The following NTMT1 variants were observed in gnomAD, a reference collection of about 807,000 sequenced individuals.
The protein encoded by NTMT1 is N-terminal RCC1 methyltransferase.
Under a neutral mutation model 17.5 loss-of-function variants are expected in NTMT1, and 8 were observed. The ratio of observed to expected loss-of-function variants is 0.46; its 90% CI spans 0.27 to 0.82. NTMT1 has a LOEUF of 0.82. Ranked by LOEUF, NTMT1 falls within the 40% of genes least tolerant of loss-of-function variation. The pLI is 0.15. For missense variants in NTMT1, 221 were observed against 303.5 expected (o/e 0.73, Z 2.02); for synonymous variants, 128 against 126.8 (o/e 1.01, Z -0.06).
At chr9:129,609,833 C>A (rs889924635) in intron 1 of NTMT1, among the ~76,000 whole-genome samples, 1 of 152,002 alleles carries the variant, frequency 6.6e-6, no homozygotes, top group African/African-American at 2.4e-5. Flanking sequence ...CAGCAGATGA[C>A]CCCGAATGTG....
chr9:129,619,858 C>T, intron 1 of NTMT1: 1 of 1,609,010 alleles, frequency 6.2e-7, no homozygotes, highest in Non-Finnish European at 8.5e-7. Flanking sequence ...CAGTTGTGAG[C>T]CTTGGCTGGG....
At position 129,620,185 on chromosome 9, in the gene NTMT1, G is replaced by C. The variant is rs1004883372; in HGVS notation, c.-55+11007G>C. On this transcript the variant is annotated intron_variant, in intron 1 of 3. Coordinates refer to the NTMT1 transcript ENST00000372486. This position sits in a 1 kb window ranked among gnomAD's most constrained non-coding sequence, Gnocchi z 5.8. ...AGAAGTCGGGGTCCTCCCTGGCCAC[G>C]CGCCTCCGGGGGCGCTCGCGCTCTC... The C allele has an allele frequency of 7.6e-6, 11 of 1,452,310 alleles. No individual in the cohort carries two copies. Among genetic ancestry groups the C allele is most frequent in the African/African-American group, 7.2e-5 (5 of 69,364 alleles). 90.0% of individuals were successfully genotyped at this position (1,452,310 alleles called of 1,614,324 possible).
At chr9:129,618,868 G>GTTTTTTTTTT (rs34259203) in intron 1 of NTMT1, among the ~76,000 whole-genome samples, 4 of 128,294 alleles carry the variant, frequency 3.1e-5, no homozygotes, top group Admixed American at 7.9e-5. Context: ...AATTTTTTGT[G>GTTTTTTTTTT]TTTTTTTTTT....
chr9:129,609,051 C>G (rs1271351824), exon 1 of NTMT1: 1 of 152,356 alleles, frequency 6.6e-6, no homozygotes, highest in Non-Finnish European at 1.5e-5. Context: ...CCTGGCTTCC[C>G]CAACAACCAA....
intron 1 of NTMT1, chr9:129,615,607 G>A: frequency 6.2e-7 from 1 of 1,601,160 alleles, no homozygotes. Flanking sequence ...TTGTGGGTCA[G>A]CGCAGCCTTG....
chr9:129,622,814 G>C (rs924219743), upstream of NTMT1, among the ~76,000 whole-genome samples: 1 of 152,158 alleles, frequency 6.6e-6, no homozygotes, highest in Admixed American at 6.5e-5. Flanking sequence ...GATTGCCTGA[G>C]CTCAGGAGTT....
Position 129,620,290 on chromosome 9 carries a change from C to T in NTMT1, c.-55+11112C>T. On this transcript the variant is annotated intron_variant, in intron 1 of 3. Transcript: ENST00000372486. The surrounding 1 kb of genome is among the most constrained non-coding windows in gnomAD (Gnocchi z 5.8). ...GAGGCGGCAGCAGGGACCGCAGCAGCCCCCGCTTCCGCACGGCCCGCCGGG... is the reference window on the plus strand; with the variant it reads ...GAGGCGGCAGCAGGGACCGCAGCAGTCCCCGCTTCCGCACGGCCCGCCGGG... 7.9e-7 allele frequency: 1 copy of T among 1,262,388 alleles called. No individual in the cohort carries two copies. Among genetic ancestry groups the T allele is most frequent in the Non-Finnish European group, 1.0e-6 (1 of 1,001,008 alleles). 78.2% of individuals were successfully genotyped at this position (1,262,388 alleles called of 1,614,324 possible). A position where few individuals can be genotyped will look rare whatever the true frequency, so the allele number is the denominator to read the frequency against.
Position 129,613,589 on chromosome 9 carries a change from T to G in NTMT1, c.-55+4411T>G. 1 of 1,614,004 alleles carries G rather than the reference T, an allele frequency of 6.2e-7. No homozygotes were observed. Among genetic ancestry groups the G allele is most frequent in the Non-Finnish European group, 8.5e-7 (1 of 1,179,998 alleles). On this transcript the variant is annotated intron_variant, in intron 1 of 3. Coordinates refer to the NTMT1 transcript ENST00000372486. This position sits in a 1 kb window ranked among gnomAD's most constrained non-coding sequence, Gnocchi z 6.2. ...GCGGCCTTCTGGTTCACAATGACGC[T>G]CTGTTGGACTGCAGGAAAGAGGGCA... is the stretch of plus-strand genomic sequence containing the variant.
intron 2 of NTMT1, among the ~76,000 whole-genome samples, chr9:129,633,832 A>C (rs1194282612): frequency 6.6e-6 from 1 of 152,116 alleles, no homozygotes; most frequent in Non-Finnish European, 1.5e-5. Context: ...ATGCAACCTG[A>C]ACTTTCAAAG....
chr9:129,629,367 G>C (rs1346797304), intron 1 of NTMT1, among the ~76,000 whole-genome samples: 1 of 138,696 alleles, frequency 7.2e-6, no homozygotes, highest in Non-Finnish European at 1.5e-5. Flanking sequence ...AGGATTGGCA[G>C]GTCTGGTGGG....
chr9:129,613,355 G>T lies in NTMT1; in HGVS notation c.-55+4177G>T. 1 of 1,577,152 alleles carries T rather than the reference G, an allele frequency of 6.3e-7. No homozygotes were observed. The highest frequency in any genetic ancestry group is 2.3e-5 in the East Asian group (1 of 44,390). On this transcript the variant is annotated intron_variant, in intron 1 of 3. Coordinates refer to the NTMT1 transcript ENST00000372486. The surrounding 1 kb of genome is among the most constrained non-coding windows in gnomAD (Gnocchi z 6.2). ...CCACACTGGCAACCCGCCTGCTGCT[G>T]GGTGGGGAGGTCTGTAGGCAAGGGG... is the stretch of plus-strand genomic sequence containing the variant.
chr9:129,632,123 A>C (rs1831201047), intron 1 of NTMT1, among the ~76,000 whole-genome samples: 1 of 150,878 alleles, frequency 6.6e-6, no homozygotes, highest in Non-Finnish European at 1.5e-5. Flanking sequence ...CCCTGAAGCC[A>C]CTGAGTCAGG....
chr9:129,633,951 G>A (rs902111109), intron 2 of NTMT1, 103 bp from the exon 3 acceptor site: 9 of 1,363,554 alleles, frequency 6.6e-6, no homozygotes, highest in African/African-American at 4.4e-5. Flanking sequence ...CTTGTGCGGA[G>A]TCCTGGAATC....
intron 1 of NTMT1, among the ~76,000 whole-genome samples, chr9:129,609,924 G>C (rs1263938725): frequency 6.6e-6 from 1 of 151,714 alleles, no homozygotes; most frequent in Non-Finnish European, 1.5e-5. Context: ...TTGTAGGGCA[G>C]GAGTCCGGGT....
At position 129,613,752 on chromosome 9, in the gene NTMT1, C is replaced by G. The variant is rs1009953629; in HGVS notation, c.-55+4574C>G. ...CGCCTTCTGGCTGCCTCCAGAGAAG[C>G]CTTGGGTTTTAAAACCACCTTGCGT... On this transcript the variant is annotated intron_variant, in intron 1 of 3. Transcript: ENST00000372486. The surrounding 1 kb of genome is among the most constrained non-coding windows in gnomAD (Gnocchi z 6.2). Among the ~76,000 whole-genome samples the G allele has an allele frequency of 6.6e-6, 1 of 152,216 alleles. No individual in the cohort carries two copies. The highest frequency in any genetic ancestry group is 2.4e-5 in the African/African-American group (1 of 41,462).
intron 1 of NTMT1, among the ~76,000 whole-genome samples, chr9:129,610,423 G>T (rs554317346): frequency 2.0e-5 from 3 of 151,956 alleles, no homozygotes; most frequent in East Asian, 2.0e-4. Context: ...CGGCGCTGCC[G>T]CACGGCTGCA....
intron 1 of NTMT1, among the ~76,000 whole-genome samples, chr9:129,617,776 C>T (rs187452914): frequency 1.2e-4 from 19 of 152,216 alleles, no homozygotes; most frequent in Admixed American, 9.8e-4. Flanking sequence ...CTCAACCTCC[C>T]AGGCTCAAGC....
upstream of NTMT1, among the ~76,000 whole-genome samples, chr9:129,621,530 T>C (rs1378442621): frequency 1.3e-5 from 2 of 152,148 alleles, no homozygotes; most frequent in Admixed American, 6.6e-5. Flanking sequence ...CTAATTTTTG[T>C]ATATTTTGTA....
At chr9:129,631,343 C>T (rs553625419) in intron 1 of NTMT1, among the ~76,000 whole-genome samples, 1 of 152,338 alleles carries the variant, frequency 6.6e-6, no homozygotes, top group East Asian at 1.9e-4. Flanking sequence ...CTAGAACAGC[C>T]CCTAAGCGTG....
Sources: gnomAD v4.1 joint callset for allele counts (sites outside exome capture counted in the v4.1 genomes callset) on GRCh38, gnomAD v4.1.1 for gene constraint, Gnocchi (gnomAD v3.1) non-coding constraint, MANE v1.5 for transcripts, NCBI Gene and HGNC (gene_info 2026-07-23, HGNC 2026-07-21) for gene names.